The following BRD8 variants were observed in gnomAD, a reference collection of about 807,000 sequenced individuals.
BRD8 encodes the protein bromodomain containing 8.
Under a neutral mutation model 143.1 loss-of-function variants are expected in BRD8, and 67 were observed. The observed-to-expected ratio is 0.47, with a 90% CI of 0.38 to 0.57. The LOEUF is 0.57. Ranked by LOEUF, BRD8 falls within the 20% of genes least tolerant of loss-of-function variation. The pLI is 0.00. For synonymous variants in BRD8, 505 were observed against 517.1 expected, an observed-to-expected ratio of 0.98 and a Z score of 0.32; for missense variants, 1,103 against 1,503.0, an observed-to-expected ratio of 0.73 and a Z score of 4.40.
At chr5:138,177,466 A>C in intron 2 of BRD8, 105 bp downstream of exon 2, 1 of 702,626 alleles carries the variant, frequency 1.4e-6, no homozygotes, top group East Asian at 2.6e-5. Context: ...AAAGAAAAGA[A>C]AGTCTACTTA....
intron 17 of BRD8, chr5:138,161,357 T>G: frequency 3.3e-6 from 1 of 302,530 alleles, no homozygotes; most frequent in Non-Finnish European, 6.1e-6. Flanking sequence ...CACTGCAGCC[T>G]CGAACTTCCA....
chr5:138,168,747 A>G (rs2151209678), intron 8 of BRD8: 1 of 879,312 alleles, frequency 1.1e-6, no homozygotes, highest in Non-Finnish European at 1.9e-6. Context: ...TTCCCTACTA[A>G]TCTGTATGGG....
chr5:138,155,421 C>G (rs2151189092), intron 20 of BRD8, among the ~76,000 whole-genome samples: 1 of 149,684 alleles, frequency 6.7e-6, no homozygotes, highest in East Asian at 2.0e-4. Context: ...TGCACTCCAG[C>G]CTGGGCAACG....
intron 23 of BRD8, among the ~76,000 whole-genome samples, chr5:138,146,969 C>CAAA (rs60597015): frequency 1.6e-4 from 8 of 48,980 alleles, no homozygotes; most frequent in East Asian, 6.4e-4. Context: ...AACTCCGTCT[C>CAAA]AAAAAAAAAA....
chr5:138,172,174 A>C (rs1232871891), intron 2 of BRD8, 40 bp from the exon 3 acceptor site: 2 of 1,510,918 alleles, frequency 1.3e-6, no homozygotes, highest in Non-Finnish European at 1.8e-6. Flanking sequence ...CCAAGCAGAA[A>C]ACAATAGGAG....
intron 20 of BRD8, 91 bp from the exon 21 acceptor site, chr5:138,152,851 G>A: frequency 7.3e-7 from 1 of 1,366,092 alleles, no homozygotes; most frequent in East Asian, 2.3e-5. Context: ...AAAAATAAGG[G>A]GCCAGAAATT....
In BRD8 at chr5:138,171,418, A is replaced by T. The variant is rs79766227; in HGVS notation, c.187-8T>A. The T allele has an allele frequency of 1.0e-6, 1 of 968,868 alleles. No individual in the cohort carries two copies. The highest frequency in any genetic ancestry group is 1.4e-6 in the Non-Finnish European group (1 of 716,648). The allele number at this position is 968,868 out of a possible 1,614,324, so 60.0% of individuals were successfully genotyped here. A position where few individuals can be genotyped will look rare whatever the true frequency, so the allele number is the denominator to read the frequency against. Reference sequence around the variant, plus strand: ...GTACTGGGAAGCACAATGCTATTAAAAAAAAAAAAAAAAGTGAAAATGTGA... The same window carrying T: ...GTACTGGGAAGCACAATGCTATTAATAAAAAAAAAAAAAGTGAAAATGTGA... On this transcript the variant is annotated splice_region_variant and splice_polypyrimidine_tract_variant and intron_variant, in intron 3 of 26. Coordinates refer to ENST00000254900, the MANE Select transcript of BRD8 (RefSeq NM_139199.2).
chr5:138,148,158 G>C (rs531899812), intron 23 of BRD8, among the ~76,000 whole-genome samples: 219 of 118,822 alleles, frequency 1.8e-3, no homozygotes, highest in African/African-American at 6.1e-3. Flanking sequence ...CTGATGAGCT[G>C]GAAAAAAAAA....
intron 11 of BRD8, 95 bp from the exon 12 acceptor site, chr5:138,165,261 CT>C: frequency 1.5e-6 from 2 of 1,332,556 alleles, no homozygotes; most frequent in Non-Finnish European, 2.0e-6. Context: ...GAATCTGCAG[CT>C]TTTCGCTCCA....
At chr5:138,143,162 C>G (rs897733961) in intron 25 of BRD8, among the ~76,000 whole-genome samples, 10 of 151,214 alleles carry the variant, frequency 6.6e-5, no homozygotes, top group African/African-American at 2.4e-4. Flanking sequence ...GCACACACCT[C>G]TAGACCCAGT....
chr5:138,169,876 T>G (rs914447534), intron 7 of BRD8, among the ~76,000 whole-genome samples: 1 of 151,444 alleles, frequency 6.6e-6, no homozygotes, highest in African/African-American at 2.5e-5. Context: ...GGAGAATCAC[T>G]TGAACCCGCG....
At chr5:138,164,533 G>T in intron 12 of BRD8, 120 bp from the exon 13 acceptor site, 2 of 1,154,056 alleles carry the variant, frequency 1.7e-6, no homozygotes, top group Non-Finnish European at 2.5e-6. Flanking sequence ...CATGTAATGT[G>T]ACTCCAATGG....
At chr5:138,175,615 G>A (rs1031144088) in intron 2 of BRD8, among the ~76,000 whole-genome samples, 2 of 151,586 alleles carry the variant, frequency 1.3e-5, no homozygotes, top group Non-Finnish European at 2.9e-5. Context: ...TAAACTGGGA[G>A]GATCACTTGA....
In BRD8 at chr5:138,171,171, T is replaced by C; in HGVS notation, c.237-11A>G. ...TCACCTCGTTTCCGTCTGTGGAAAATTGAAAAAAAAAAATTCATATTCAAA... is the reference window on the plus strand; with the variant it reads ...TCACCTCGTTTCCGTCTGTGGAAAACTGAAAAAAAAAAATTCATATTCAAA... On this transcript the variant is annotated splice_polypyrimidine_tract_variant and intron_variant, in intron 4 of 26. Coordinates refer to ENST00000254900, the MANE Select transcript of BRD8 (RefSeq NM_139199.2). 6.3e-7 allele frequency: 1 copy of C among 1,595,882 alleles called. No homozygotes were observed. Among genetic ancestry groups the C allele is most frequent in the South Asian group, 1.1e-5 (1 of 87,542 alleles).
chr5:138,169,181 C>T, intron 8 of BRD8, 41 bp downstream of exon 8: 1 of 1,602,784 alleles, frequency 6.2e-7, no homozygotes, highest in Non-Finnish European at 8.5e-7. Flanking sequence ...CGGCTTATTG[C>T]CCCTTCACTG....
At chr5:138,168,555 A>G (rs776532010) in intron 8 of BRD8, 11 of 1,610,332 alleles carry the variant, frequency 6.8e-6, no homozygotes, top group South Asian at 1.1e-5. Context: ...TTTCTGTCCA[A>G]GCATCTTTTT....
At chr5:138,146,672 A>G (rs1354195199) in intron 23 of BRD8, among the ~76,000 whole-genome samples, 1 of 152,162 alleles carries the variant, frequency 6.6e-6, no homozygotes, top group Non-Finnish European at 1.5e-5. Flanking sequence ...TCATGAGATA[A>G]GATGTCTCAG....
intron 8 of BRD8, chr5:138,168,737 T>C: frequency 2.1e-6 from 2 of 975,250 alleles, no homozygotes; most frequent in Non-Finnish European, 3.3e-6. Flanking sequence ...CTATGGAAGG[T>C]TCCCTACTAA....
chr5:138,169,191 G>T, intron 8 of BRD8, 31 bp downstream of exon 8: 1 of 1,607,876 alleles, frequency 6.2e-7, no homozygotes, highest in South Asian at 1.1e-5. Flanking sequence ...CCCCTTCACT[G>T]ATCAATTCCC....
Sources: gnomAD v4.1 joint callset for allele counts (sites outside exome capture counted in the v4.1 genomes callset) on GRCh38, gnomAD v4.1.1 for gene constraint, MANE v1.5 for transcripts, NCBI Gene and HGNC (gene_info 2026-07-23, HGNC 2026-07-21) for gene names.